The following ATP7B variants were observed in gnomAD, a reference collection of about 807,000 sequenced individuals.
ATP7B encodes ATPase copper transporting beta, also known as copper-transporting ATPase 2.
A neutral mutation model predicts 118.9 loss-of-function variants in ATP7B; 113 were observed. The observed-to-expected ratio is 0.95, with a 90% CI of 0.82 to 1.11. ATP7B has a LOEUF of 1.11. ATP7B is among the 50% of genes most tolerant of loss of function. ATP7B has a pLI of 0.00. For missense variants in ATP7B, 1,867 were observed against 1,871.4 expected, an observed-to-expected ratio of 1.00 and a Z score of 0.04; for synonymous variants, 777 against 727.4, an observed-to-expected ratio of 1.07 and a Z score of -1.10.
chr13:51,960,148 C>T lies in ATP7B; in HGVS notation c.2121G>A (p.Gln707=). The T allele has an allele frequency of 6.2e-7, 1 of 1,613,742 alleles. No individual in the cohort carries two copies. The highest frequency in any genetic ancestry group is 1.1e-5 in the South Asian group (1 of 91,070). ...GGTCTGCCCACTTTCTCATATATAC[C>T]TGGACAAAGGTACACAAGATAAAGA... ...LIFFILCTFV[Q]LLGGWYFYVQ... The change falls in exon 7 of 21, where the codon CAG becomes CAA. Residue 707 remains glutamine (Q), a splice_region_variant and synonymous_variant. Coordinates refer to ENST00000242839, the MANE Select transcript of ATP7B (RefSeq NM_000053.4).
At chr13:52,006,594 T>C (rs1953783055) in intron 1 of ATP7B, among the ~76,000 whole-genome samples, 1 of 152,230 alleles carries the variant, frequency 6.6e-6, no homozygotes, top group Non-Finnish European at 1.5e-5. Context: ...CGCAGCTCCC[T>C]GCCCAGTTCA....
intron 5 of ATP7B, among the ~76,000 whole-genome samples, chr13:51,963,707 G>A (rs1285375581): frequency 7.2e-6 from 1 of 139,508 alleles, no homozygotes; most frequent in African/African-American, 2.7e-5. Flanking sequence ...TCACACTCCA[G>A]CCTGGGGGAC....
rs1186327946 is a variant in ATP7B at position 51,934,642 on chromosome 13, G to A, written c.*114C>T. On this transcript the variant is annotated 3_prime_UTR_variant, in exon 21 of 21. Coordinates refer to ENST00000242839, the MANE Select transcript of ATP7B (RefSeq NM_000053.4). Reference sequence around the variant, plus strand: ...GGCAGGATGACTGGACATATCCAGGGAGCGGAAGTCCCCAAAGCTGGAGGC... The same window carrying A: ...GGCAGGATGACTGGACATATCCAGGAAGCGGAAGTCCCCAAAGCTGGAGGC... 10 of 1,499,126 alleles carry A rather than the reference G, an allele frequency of 6.7e-6. No individual in the cohort carries two copies. Among genetic ancestry groups the A allele is most frequent in the Non-Finnish European group, 9.1e-6 (10 of 1,097,502 alleles). 92.9% of individuals were successfully genotyped at this position (1,499,126 alleles called of 1,614,324 possible). A position where few individuals can be genotyped will look rare whatever the true frequency, so the allele number is the denominator to read the frequency against.
chr13:52,011,745 A>G (rs28362532), upstream of ATP7B, among the ~76,000 whole-genome samples: 14,637 of 152,296 alleles, frequency 0.096, 772 homozygotes, highest in Non-Finnish European at 0.12. Context: ...CGCAGGGCGG[A>G]GGCCTGTCCT....
chr13:51,939,497 T>TA (rs1957189954), intron 16 of ATP7B, among the ~76,000 whole-genome samples: 1 of 152,242 alleles, frequency 6.6e-6, no homozygotes, highest in African/African-American at 2.4e-5. Context: ...GTATGACACT[T>TA]TGCGAAGTGC....
At chr13:51,981,666 C>G (rs147925136) in intron 1 of ATP7B, among the ~76,000 whole-genome samples, 1,859 of 152,200 alleles carry the variant, frequency 0.012, 40 homozygotes, top group African/African-American at 0.043. Flanking sequence ...AAAACCCCCA[C>G]TGAGGAAGAA....
At chr13:51,965,385 C>T (rs953966690) in intron 4 of ATP7B, among the ~76,000 whole-genome samples, 8 of 152,236 alleles carry the variant, frequency 5.3e-5, no homozygotes, top group Middle Eastern at 3.4e-3. Flanking sequence ...AATGCCTGTA[C>T]GGGGTTGTGC....
At chr13:51,983,122 C>T (rs186035394) in intron 1 of ATP7B, among the ~76,000 whole-genome samples, 48 of 152,306 alleles carry the variant, frequency 3.2e-4, no homozygotes, top group Admixed American at 2.2e-3. Flanking sequence ...TCTAGCTCAG[C>T]GGATCCCACC....
intron 1 of ATP7B, among the ~76,000 whole-genome samples, chr13:51,977,605 G>GGAGTA (rs1670743219): frequency 6.6e-6 from 1 of 152,138 alleles, no homozygotes; most frequent in Non-Finnish European, 1.5e-5. Flanking sequence ...ATAAGTAGAA[G>GGAGTA]GAGTACACTC....
chr13:52,010,376 G>A (rs982100213), intron 1 of ATP7B, among the ~76,000 whole-genome samples: 1 of 152,160 alleles, frequency 6.6e-6, no homozygotes, highest in Non-Finnish European at 1.5e-5. Flanking sequence ...CCAGGCCTAA[G>A]TATCTATCCT....
At chr13:51,945,195 G>A (rs916588101) in intron 13 of ATP7B, among the ~76,000 whole-genome samples, 5 of 152,140 alleles carry the variant, frequency 3.3e-5, no homozygotes, top group Non-Finnish European at 4.4e-5. Context: ...GTCACATCAC[G>A]TGGGTATGCC....
intron 7 of ATP7B, chr13:51,959,206 T>A (rs182377165): frequency 1.4e-4 from 22 of 154,316 alleles, no homozygotes; most frequent in Non-Finnish European, 2.9e-4. Flanking sequence ...TAAGTGTACA[T>A]TACACTTATA....
At chr13:52,007,505 G>A (rs11616964) in intron 1 of ATP7B, among the ~76,000 whole-genome samples, 61,596 of 152,110 alleles carry the variant, frequency 0.4, 14,291 homozygotes, top group East Asian at 0.52. Context: ...CTAACATCAT[G>A]TCTTCTGTAC....
rs532702330 is a variant in ATP7B at position 51,948,216 on chromosome 13, T to C, written c.2865+1446A>G. Among the ~76,000 whole-genome samples the C allele has an allele frequency of 4.6e-5, 7 of 152,338 alleles. No homozygotes were observed. The East Asian group carries it at 1.3e-3, about 29-fold the overall frequency. Reference sequence around the variant, plus strand: ...AGAATATTTGATATACTTTTAATTATGTGAAGGATTTTTTTTAAAAGAAAA... The same window carrying C: ...AGAATATTTGATATACTTTTAATTACGTGAAGGATTTTTTTTAAAAGAAAA... On this transcript the variant is annotated intron_variant, in intron 12 of 20. Transcript: ENST00000242839.
At chr13:51,942,148 T>A (rs1957370371) in intron 15 of ATP7B, among the ~76,000 whole-genome samples, 1 of 152,180 alleles carries the variant, frequency 6.6e-6, no homozygotes, top group Non-Finnish European at 1.5e-5. Flanking sequence ...AAGAGGAGAA[T>A]CAAAATCATG....
chr13:51,943,101 C>T (rs58340907), intron 14 of ATP7B, among the ~76,000 whole-genome samples: 1 of 152,160 alleles, frequency 6.6e-6, no homozygotes, highest in Non-Finnish European at 1.5e-5. Flanking sequence ...CCGTCCTCCC[C>T]CAGGCTGTGA....
intron 1 of ATP7B, among the ~76,000 whole-genome samples, chr13:51,996,719 T>C (rs765662174): frequency 1.1e-4 from 17 of 152,198 alleles, no homozygotes; most frequent in Non-Finnish European, 2.5e-4. Context: ...GAGAGATCTG[T>C]TCTCTTTGAG....
At chr13:51,936,182 C>T (rs1956949551) in intron 19 of ATP7B, among the ~76,000 whole-genome samples, 2 of 152,178 alleles carry the variant, frequency 1.3e-5, no homozygotes, top group Non-Finnish European at 2.9e-5. Context: ...AGGACAGGGT[C>T]AGGAGACAGG....
intron 9 of ATP7B, among the ~76,000 whole-genome samples, chr13:51,955,245 C>T (rs1958262494): frequency 6.6e-6 from 1 of 152,186 alleles, no homozygotes; most frequent in African/African-American, 2.4e-5. Flanking sequence ...CACTGGGAAA[C>T]CAGTGTCCAG....
Sources: allele counts gnomAD v4.1 joint callset (sites outside exome capture counted in the v4.1 genomes callset), GRCh38; gene constraint gnomAD v4.1.1; transcripts MANE v1.5; gene names NCBI Gene and HGNC (gene_info 2026-07-23, HGNC 2026-07-21).